Variants in NLRP1 observed in about 807,000 individuals in gnomAD.
The protein encoded by NLRP1 is NLR family pyrin domain containing 1, also known as NACHT, LRR and PYD domains-containing protein 1.
NLRP1 carries 94 observed loss-of-function variants against 136.7 expected under a neutral mutation model. The observed-to-expected ratio is 0.69, with a 90% CI of 0.58 to 0.82. The LOEUF (loss-of-function observed/expected upper bound fraction) is 0.82. Ranked by LOEUF, NLRP1 falls within the 40% of genes least tolerant of loss-of-function variation. The probability of loss-of-function intolerance (pLI) is 0.00; values close to 1 mark genes in which losing one functional copy is unlikely to be tolerated. For missense variants in NLRP1, 1,575 were observed against 1,802.7 expected (o/e 0.87, Z 2.29); for synonymous variants, 690 against 725.1 (o/e 0.95, Z 0.78).
At position 5,559,076 on chromosome 17, in the gene NLRP1, G is replaced by T. The variant is rs753738517; in HGVS notation, c.1620C>A (p.Leu540=). 6.2e-7 allele frequency: 1 copy of T among 1,614,178 alleles called. No homozygotes were observed. Among genetic ancestry groups the T allele is most frequent in the South Asian group, 1.1e-5 (1 of 91,084 alleles). Residue 540 remains leucine (L), a synonymous_variant, in exon 4 of 17, where the codon CTC becomes CTA. Coordinates refer to ENST00000572272, the MANE Select transcript of NLRP1 (RefSeq NM_033004.4). Reference sequence around the variant, plus strand: ...TTGTGGTGGTCTTGGAAGTCAGTGTGAGTTTTTCCTTCCGCTTCATCTGCT... The same window carrying T: ...TTGTGGTGGTCTTGGAAGTCAGTGTTAGTTTTTCCTTCCGCTTCATCTGCT... ...LMQQMKRKEK[L]TLTSKTTTTL...
At chr17:5,567,014 T>G (rs76673055) in intron 3 of NLRP1, among the ~76,000 whole-genome samples, 3,638 of 152,152 alleles carry the variant, frequency 0.024, 154 homozygotes, top group African/African-American at 0.084. Context: ...CACTGGCATG[T>G]AATATATTTT....
rs767249228 is a variant in NLRP1 at position 5,541,411 on chromosome 17, T to G, written c.2699+446A>C. Among the ~76,000 whole-genome samples, 1 of 152,146 alleles carries G rather than the reference T, an allele frequency of 6.6e-6. No individual in the cohort carries two copies. The highest frequency in any genetic ancestry group is 1.5e-5 in the Non-Finnish European group (1 of 68,022). On this transcript the variant is annotated intron_variant, in intron 6 of 16. Coordinates refer to ENST00000572272, the MANE Select transcript of NLRP1 (RefSeq NM_033004.4). The surrounding 1 kb of genome is among the most constrained non-coding windows in gnomAD (Gnocchi z 4.2). ...GGATGAGATAGTAAATCGAACTAAG[T>G]GGACACCAGTGATTTCAGCTCTCCA...
intron 3 of NLRP1, among the ~76,000 whole-genome samples, chr17:5,580,614 GAGGT>G (rs1905532315): frequency 2.0e-5 from 3 of 152,138 alleles, no homozygotes; most frequent in South Asian, 4.1e-4. Flanking sequence ...TTATAGCAAT[GAGGT>G]AGTCTTTGTG....
chr17:5,564,787 G>A (rs1366636381), intron 3 of NLRP1, among the ~76,000 whole-genome samples: 2 of 142,032 alleles, frequency 1.4e-5, no homozygotes, highest in Admixed American at 7.3e-5. Flanking sequence ...GCCCAGGCTG[G>A]AGTGCAGTGG....
intron 5 of NLRP1, among the ~76,000 whole-genome samples, chr17:5,547,436 T>C (rs1912817403): frequency 1.3e-5 from 2 of 152,232 alleles, no homozygotes; most frequent in Admixed American, 1.3e-4. Flanking sequence ...GAGGCAAGAT[T>C]TGAACCTGTG....
chr17:5,533,013 A>G, intron 10 of NLRP1, 29 bp from the exon 11 acceptor site: 1 of 1,593,362 alleles, frequency 6.3e-7, no homozygotes, highest in African/African-American at 1.3e-5. Context: ...GGTCAGCTCC[A>G]GATTCTCCCG....
At chr17:5,525,883 T>G (rs371528814) in intron 12 of NLRP1, among the ~76,000 whole-genome samples, 2 of 152,174 alleles carry the variant, frequency 1.3e-5, no homozygotes, top group African/African-American at 4.8e-5. Flanking sequence ...GACCAATCTA[T>G]CCACCTGGCT....
chr17:5,563,550 C>T (rs1010918636), intron 3 of NLRP1, among the ~76,000 whole-genome samples: 2 of 152,116 alleles, frequency 1.3e-5, no homozygotes, highest in African/African-American at 4.8e-5. Flanking sequence ...ACTGGTTCTC[C>T]AAATTAACTC....
chr17:5,539,419 G>C lies in NLRP1; in HGVS notation c.2866C>G (p.Leu956Val). 3 of 1,612,032 alleles carry C rather than the reference G, an allele frequency of 1.9e-6. No individual in the cohort carries two copies. ...LRHPACKLIR[L>V]GLDQTTLSDE... is the part of the protein sequence containing the mutation. Reference sequence around the variant, plus strand: ...AAGGGACCCACAGGGCCTTACCCCAGGCGTATGAGTTTGCAGGCAGGATGC... The same window carrying C: ...AAGGGACCCACAGGGCCTTACCCCACGCGTATGAGTTTGCAGGCAGGATGC... The change falls in exon 7 of 17, where the codon CTG becomes GTG. Residue 956 changes from leucine (L) to valine (V), a missense_variant. Transcript: ENST00000572272.
chr17:5,565,109 G>A (rs1177489072), intron 3 of NLRP1, among the ~76,000 whole-genome samples: 2 of 152,224 alleles, frequency 1.3e-5, no homozygotes, highest in Non-Finnish European at 2.9e-5. Flanking sequence ...CCCACCAACA[G>A]TGTATGAGAG....
rs144930253 is a variant in NLRP1, at chr17:5,558,805, C to T, written c.1891G>A (p.Ala631Thr). The change falls in exon 4 of 17, where the codon GCA becomes ACA. Residue 631 changes from alanine to threonine, a missense_variant. Ala to Thr is a moderately conservative substitution (Grantham distance 58). Coordinates refer to ENST00000572272, the MANE Select transcript of NLRP1 (RefSeq NM_033004.4). ...TCCTCCAAGACATAGGACATTGCTG[C>T]AAAGAACTCTTGGAAACAGAGGTGA... ...FIHLCFQEFF[A>T]AMSYVLEDEK... The T allele has an allele frequency of 7.4e-6, 12 of 1,614,034 alleles. No homozygotes were observed. Among genetic ancestry groups the T allele is most frequent in the Non-Finnish European group, 1.0e-5 (12 of 1,180,018 alleles).
intron 5 of NLRP1, among the ~76,000 whole-genome samples, chr17:5,547,766 G>A (rs1273406454): frequency 6.6e-6 from 1 of 152,120 alleles, no homozygotes; most frequent in Admixed American, 6.5e-5. Context: ...AGCCTCATAA[G>A]GATACAGAAA....
rs1397672716 is a variant in NLRP1, at chr17:5,558,564, A to G, written c.2132T>C (p.Leu711Pro). Residue 711 changes from leucine (L) to proline (P), a missense_variant, in exon 4 of 17, where the codon CTG becomes CCG. Transcript: ENST00000572272. Reference protein sequence around the residue: ...MQWVPSLQLLLQPHSLESLHC... With the variant: ...MQWVPSLQLLPQPHSLESLHC... Reference sequence around the variant, plus strand: ...GAGGGACTCCAGAGAGTGTGGCTGCAGCAGCAGCTGCAGGGACGGGACCCA... The same window carrying G: ...GAGGGACTCCAGAGAGTGTGGCTGCGGCAGCAGCTGCAGGGACGGGACCCA... 2 of 1,614,026 alleles carry G rather than the reference A, an allele frequency of 1.2e-6. No homozygotes were observed. Among genetic ancestry groups the G allele is most frequent in the Admixed American group, 1.7e-5 (1 of 60,018 alleles).
intron 3 of NLRP1, among the ~76,000 whole-genome samples, 176 bp from the exon 4 acceptor site, chr17:5,560,219 C>T (rs1914577865): frequency 6.6e-6 from 1 of 152,238 alleles, no homozygotes; most frequent in Admixed American, 6.5e-5. Context: ...TATCCCAGTT[C>T]AAGTCTTGAC....
chr17:5,577,069 A>G (rs577806439), intron 3 of NLRP1, among the ~76,000 whole-genome samples: 209 of 152,330 alleles, frequency 1.4e-3, no homozygotes, highest in South Asian at 2.7e-3. Context: ...ACAGCCCTAC[A>G]TGCTAAAAAC....
intron 5 of NLRP1, among the ~76,000 whole-genome samples, chr17:5,552,523 C>T (rs776854861): frequency 6.6e-6 from 1 of 152,140 alleles, no homozygotes; most frequent in Non-Finnish European, 1.5e-5. Flanking sequence ...ACATTCCACC[C>T]CCCAATCACT....
At chr17:5,502,291 C>CCTT (rs1555540085) in intron 15 of NLRP1, 8 of 154,780 alleles carry the variant, frequency 5.2e-5, no homozygotes, top group Admixed American at 1.2e-4. Context: ...GGTGCAGTTC[C>CCTT]TTTTTTTTTT....
At chr17:5,512,630 G>GT (rs1337768036), downstream of NLRP1, 1 of 433,522 alleles carries the variant, frequency 2.3e-6, no homozygotes, top group African/African-American at 2.0e-5. Context: ...AGTCTCATGG[G>GT]TGTGTGACCT....
chr17:5,545,130 T>C (rs560670583), intron 5 of NLRP1, among the ~76,000 whole-genome samples: 27 of 152,114 alleles, frequency 1.8e-4, no homozygotes, highest in Non-Finnish European at 3.8e-4. Context: ...CAGCCAGGAA[T>C]TTAAGGTCAG....
Sources: allele counts gnomAD v4.1 joint callset (sites outside exome capture counted in the v4.1 genomes callset), GRCh38; gene constraint gnomAD v4.1.1; non-coding constraint Gnocchi (gnomAD v3.1); transcripts MANE v1.5; gene names NCBI Gene and HGNC (gene_info 2026-07-23, HGNC 2026-07-21).